KCNK2: variants seen among roughly 807,000 people sequenced by gnomAD.
The protein encoded by KCNK2 is potassium two pore domain channel subfamily K member 2, also known as potassium channel subfamily K member 2.
In KCNK2, 21 loss-of-function variants were observed where a neutral mutation model predicts 40.5. That is an observed-to-expected ratio of 0.52 (90% confidence interval 0.37 to 0.75). The LOEUF (loss-of-function observed/expected upper bound fraction) is 0.75. Ranked by LOEUF, KCNK2 falls within the 30% of genes least tolerant of loss-of-function variation. The probability of loss-of-function intolerance (pLI) is 0.00; values close to 1 mark genes in which losing one functional copy is unlikely to be tolerated. For missense variants in KCNK2, 399 were observed against 531.6 expected (o/e 0.75, Z 2.45); for synonymous variants, 191 against 202.2 (o/e 0.94, Z 0.47).
At position 215,203,646 on chromosome 1, in the gene KCNK2, TAAAC is replaced by T. The variant is rs201346657; in HGVS notation, c.963+8566_963+8569del. Among the ~76,000 whole-genome samples the T allele has an allele frequency of 2.0e-3, 299 of 152,094 alleles. 2 individuals carry two copies. Among genetic ancestry groups the T allele is most frequent in the Middle Eastern group, 6.8e-3 (2 of 294 alleles). On this transcript the variant is annotated intron_variant, in intron 6 of 6. Coordinates refer to ENST00000444842, the MANE Select transcript of KCNK2 (RefSeq NM_001017425.3). ...TAATAAGTAAACACAAAAGAAAAGA[TAAAC>T]AAACAAACAAAAACTATTGAGGGTG...
At chr1:215,048,025 T>G (rs933828813) in intron 1 of KCNK2, among the ~76,000 whole-genome samples, 3 of 152,186 alleles carry the variant, frequency 2.0e-5, no homozygotes, top group Non-Finnish European at 4.4e-5. Context: ...TGGAGTAACG[T>G]CAGTGAACAT....
intron 3 of KCNK2, among the ~76,000 whole-genome samples, chr1:215,157,155 T>C (rs980495346): frequency 6.6e-6 from 1 of 152,156 alleles, no homozygotes; most frequent in African/African-American, 2.4e-5. Flanking sequence ...AGCAAAACCA[T>C]ATCATCTATT....
intron 3 of KCNK2, among the ~76,000 whole-genome samples, chr1:215,139,652 G>A (rs1239426249): frequency 6.6e-6 from 1 of 152,106 alleles, no homozygotes; most frequent in African/African-American, 2.4e-5. Flanking sequence ...ACTTGGTGGT[G>A]CATGCCTGCA....
chr1:215,159,434 A>C (rs1243571527), intron 3 of KCNK2, among the ~76,000 whole-genome samples: 3 of 152,154 alleles, frequency 2.0e-5, no homozygotes, highest in Non-Finnish European at 4.4e-5. Context: ...CAAGAATTTT[A>C]CTTGCGTCTT....
At chr1:215,137,353 T>C (rs892272491) in intron 3 of KCNK2, among the ~76,000 whole-genome samples, 1 of 152,232 alleles carries the variant, frequency 6.6e-6, no homozygotes, top group Non-Finnish European at 1.5e-5. Flanking sequence ...ATCAAGCATG[T>C]CACCTGTTTT....
At chr1:215,074,045 G>A (rs1244149370) in intron 1 of KCNK2, among the ~76,000 whole-genome samples, 2 of 152,184 alleles carry the variant, frequency 1.3e-5, no homozygotes, top group Non-Finnish European at 2.9e-5. Flanking sequence ...CGGTGGAGTG[G>A]AGGCCTGAGG....
chr1:215,103,028 T>A (rs1462139375), intron 2 of KCNK2, among the ~76,000 whole-genome samples: 1 of 151,984 alleles, frequency 6.6e-6, no homozygotes, highest in African/African-American at 2.4e-5. Context: ...GAGAAATGTT[T>A]ATGAAAGTTG....
intron 6 of KCNK2, among the ~76,000 whole-genome samples, chr1:215,209,371 A>T (rs1363355557): frequency 3.3e-5 from 2 of 59,880 alleles, no homozygotes; most frequent in East Asian, 6.0e-4. Context: ...ATATGCATAT[A>T]TTATATATAA....
intron 6 of KCNK2, among the ~76,000 whole-genome samples, chr1:215,227,914 T>C (rs1666457173): frequency 6.6e-6 from 1 of 151,462 alleles, no homozygotes; most frequent in Non-Finnish European, 1.5e-5. Context: ...ATATTGAAGT[T>C]CACCTTAGGA....
intron 2 of KCNK2, among the ~76,000 whole-genome samples, chr1:215,099,533 T>C (rs932362875): frequency 1.3e-5 from 2 of 151,984 alleles, no homozygotes; most frequent in African/African-American, 4.8e-5. Flanking sequence ...TAGAAGTACT[T>C]AAGGAATGAA....
intron 1 of KCNK2, among the ~76,000 whole-genome samples, chr1:215,030,894 G>A (rs553573130): frequency 6.6e-6 from 1 of 151,866 alleles, no homozygotes; most frequent in Non-Finnish European, 1.5e-5. Flanking sequence ...TTTTACATTC[G>A]GTTCTGTGAT....
intron 5 of KCNK2, among the ~76,000 whole-genome samples, chr1:215,174,635 C>T (rs1313586036): frequency 6.6e-6 from 1 of 152,184 alleles, no homozygotes; most frequent in East Asian, 1.9e-4. Context: ...TTTGCATCCT[C>T]TTTTATTTTG....
intron 1 of KCNK2, among the ~76,000 whole-genome samples, chr1:215,038,707 A>G (rs759557164): frequency 2.6e-5 from 4 of 152,128 alleles, no homozygotes; most frequent in Non-Finnish European, 5.9e-5. Context: ...TTTTAAAGAA[A>G]TGTTCTTCAT....
intron 1 of KCNK2, among the ~76,000 whole-genome samples, chr1:215,028,454 A>G (rs966178246): frequency 2.6e-5 from 4 of 152,084 alleles, no homozygotes; most frequent in African/African-American, 9.7e-5. Context: ...TTCTGTCTCA[A>G]TTTTATTATT....
intron 3 of KCNK2, among the ~76,000 whole-genome samples, chr1:215,128,272 T>A (rs779353023): frequency 2.9e-4 from 44 of 152,264 alleles, no homozygotes; most frequent in Non-Finnish European, 4.3e-4. Flanking sequence ...GTGGAAAAGA[T>A]CAGAGGTAAA....
At chr1:215,006,745 C>A (rs1558053690) in intron 1 of KCNK2, among the ~76,000 whole-genome samples, 1 of 151,782 alleles carries the variant, frequency 6.6e-6, no homozygotes, top group Admixed American at 6.6e-5. Context: ...GGTAATAGGA[C>A]ACGTTTCCTG....
intron 1 of KCNK2, among the ~76,000 whole-genome samples, chr1:215,026,019 T>C (rs932426761): frequency 6.6e-6 from 1 of 152,084 alleles, no homozygotes; most frequent in Non-Finnish European, 1.5e-5. Context: ...AACAGTGTTA[T>C]CATTATTTAA....
intron 6 of KCNK2, among the ~76,000 whole-genome samples, chr1:215,230,695 T>A (rs922149356): frequency 1.4e-4 from 21 of 150,530 alleles, no homozygotes; most frequent in African/African-American, 4.4e-4. Flanking sequence ...TTAAAGAAGG[T>A]TAAATTGCAT....
At chr1:215,210,778 G>T (rs753694215) in intron 6 of KCNK2, among the ~76,000 whole-genome samples, 2 of 152,066 alleles carry the variant, frequency 1.3e-5, no homozygotes, top group East Asian at 1.9e-4. Flanking sequence ...ACATGCAATG[G>T]TGCACAAAAA....
Sources: allele counts gnomAD v4.1 joint callset (sites outside exome capture counted in the v4.1 genomes callset), GRCh38; gene constraint gnomAD v4.1.1; transcripts MANE v1.5; gene names NCBI Gene and HGNC (gene_info 2026-07-23, HGNC 2026-07-21).